BATF2: variants seen among roughly 807,000 people sequenced by gnomAD.
The protein encoded by BATF2 is basic leucine zipper transcriptional factor ATF-like 2.
BATF2 carries 4 observed loss-of-function variants against 7.3 expected under a neutral mutation model. The observed-to-expected ratio is 0.55, with a 90% CI of 0.27 to 1.26. BATF2 has a LOEUF of 1.26. BATF2 is among the 50% of genes most tolerant of loss of function. BATF2 has a pLI of 0.11. For missense variants in BATF2, 295 were observed against 340.5 expected, an observed-to-expected ratio of 0.87 and a Z score of 1.05; for synonymous variants, 152 against 153.9, an observed-to-expected ratio of 0.99 and a Z score of 0.09.
chr11:64,990,554 A>C lies in BATF2; in HGVS notation c.142-742T>G, dbSNP rs1946067867. 4.6e-6 allele frequency: 5 copies of C among 1,090,710 alleles called. No individual in the cohort carries two copies. The South Asian group carries it at 1.1e-4, about 24-fold the overall frequency. The allele number at this position is 1,090,710 out of a possible 1,614,324, so 67.6% of individuals were successfully genotyped here. ...CTGCATCCCTGAATCAGCATTTATT[A>C]AGTTCTGTTCTGCTGAACGCCGGTT... is the stretch of plus-strand genomic sequence containing the variant. On this transcript the variant is annotated intron_variant, in intron 2 of 2. Transcript: ENST00000301887.
rs1156329905 is a variant in BATF2, at chr11:64,989,860, G to C, written c.142-48C>G. 2 of 1,602,380 alleles carry C rather than the reference G, an allele frequency of 1.2e-6. No individual in the cohort carries two copies. The highest frequency in any genetic ancestry group is 1.7e-6 in the Non-Finnish European group (2 of 1,173,466). ...GGAGGGGAACCTCAGCCAGTGTCAG[G>C]GGCCCCGCATGAGCCTTAGCCCCTT... On this transcript the variant is annotated intron_variant, in intron 2 of 2. Transcript: ENST00000301887. The surrounding 1 kb of genome is among the most constrained non-coding windows in gnomAD (Gnocchi z 4.3).
chr11:64,996,784 G>C lies in BATF2; in HGVS notation c.39+92C>G. The C allele has an allele frequency of 3.3e-6, 5 of 1,494,130 alleles. No individual in the cohort carries two copies. The South Asian group carries it at 5.8e-5, about 17-fold the overall frequency. 92.6% of individuals were successfully genotyped at this position (1,494,130 alleles called of 1,614,324 possible). ...TGCTCAGAGTATAGAGCTGGGACTA[G>C]GAGCTCCCGACTGCAGCCCTCACTG... is the stretch of plus-strand genomic sequence containing the variant. On this transcript the variant is annotated intron_variant, in intron 1 of 2. Coordinates refer to ENST00000301887, the MANE Select transcript of BATF2 (RefSeq NM_138456.4).
rs916522832 is a variant in BATF2, at chr11:64,995,369, A to C, written c.40-820T>G. Among the ~76,000 whole-genome samples, 8 of 152,354 alleles carry C rather than the reference A, an allele frequency of 5.3e-5. No individual in the cohort carries two copies. The South Asian group carries it at 8.3e-4, about 16-fold the overall frequency. On this transcript the variant is annotated intron_variant, in intron 1 of 2. Transcript: ENST00000301887. Reference sequence around the variant, plus strand: ...GATGTGGTTCTCTGTGCTCATGCCCAGCTCAAGCCCAAAGCAGATATTCAC... The same window carrying C: ...GATGTGGTTCTCTGTGCTCATGCCCCGCTCAAGCCCAAAGCAGATATTCAC...
chr11:64,990,389 C>T, intron 2 of BATF2: 1 of 1,411,362 alleles, frequency 7.1e-7, no homozygotes, highest in South Asian at 1.5e-5. Context: ...ACAGGGCCTT[C>T]CCGTGGCAAC....
At position 64,993,497 on chromosome 11, in the gene BATF2, G is replaced by A. The variant is rs1946091033; in HGVS notation, c.141+951C>T. Among the ~76,000 whole-genome samples, 4 of 152,194 alleles carry A rather than the reference G, an allele frequency of 2.6e-5. No homozygotes were observed. In the South Asian group the frequency reaches 8.3e-4, roughly 31 times the overall value. Reference sequence around the variant, plus strand: ...CAAGTCAGGAAGAGCACCCTCATCTGGAACTGAATTGGCTGGCACCTTGAT... The same window carrying A: ...CAAGTCAGGAAGAGCACCCTCATCTAGAACTGAATTGGCTGGCACCTTGAT... On this transcript the variant is annotated intron_variant, in intron 2 of 2. Transcript: ENST00000301887.
intron 2 of BATF2, chr11:64,990,683 G>A (rs1269487401): frequency 2.2e-6 from 2 of 920,402 alleles, no homozygotes; most frequent in Admixed American, 1.2e-4. Flanking sequence ...ATCTCACAGG[G>A]CTGAATAAAT....
At chr11:64,990,214 C>A in intron 2 of BATF2, 1 of 1,535,640 alleles carries the variant, frequency 6.5e-7, no homozygotes, top group Non-Finnish European at 8.7e-7. Context: ...TGGTAGAATT[C>A]CAGGCCTGTG....
chr11:64,989,069 C>G lies in BATF2; in HGVS notation c.*60G>C. 6.4e-7 allele frequency: 1 copy of G among 1,568,466 alleles called. No homozygotes were observed. Among genetic ancestry groups the G allele is most frequent in the Non-Finnish European group, 8.8e-7 (1 of 1,139,412 alleles). On this transcript the variant is annotated 3_prime_UTR_variant, in exon 3 of 3. Coordinates refer to ENST00000301887, the MANE Select transcript of BATF2 (RefSeq NM_138456.4). The surrounding 1 kb of genome is among the most constrained non-coding windows in gnomAD (Gnocchi z 4.3). ...ACCCAGTAGTGAGGGAGGAGAGGCC[C>G]GTGTGCTAAGGCTGCTTCCTGAGCC... is the stretch of plus-strand genomic sequence containing the variant.
chr11:64,996,914 TG>T lies in BATF2; in HGVS notation c.-1del. ...AGCCCATTGCCCCCACAGAGGTGCA[TG>T]GCTTAGGCGGGGGAGCAGAGTGGTC... On this transcript the variant is annotated 5_prime_UTR_variant, in exon 1 of 3. Transcript: ENST00000301887. 6.3e-7 allele frequency: 1 copy of T among 1,599,404 alleles called. No homozygotes were observed. The highest frequency in any genetic ancestry group is 8.5e-7 in the Non-Finnish European group (1 of 1,172,128).
intron 2 of BATF2, chr11:64,990,601 T>C: frequency 2.9e-6 from 3 of 1,039,328 alleles, no homozygotes; most frequent in Non-Finnish European, 3.5e-6. Context: ...TGAGACACAA[T>C]CAATGTGCAG....
chr11:64,994,307 T>C (rs626670), intron 2 of BATF2, 141 bp downstream of exon 2: 550,004 of 772,356 alleles, frequency 0.71, 197,945 homozygotes, highest in African/African-American at 0.78. Context: ...AGCCACAGGA[T>C]CCTTTTCTCA....
At position 64,994,530 on chromosome 11, in the gene BATF2, C is replaced by T. The variant is rs1487012567; in HGVS notation, c.59G>A (p.Arg20Lys). 2 of 1,602,528 alleles carry T rather than the reference C, an allele frequency of 1.2e-6. No homozygotes were observed. The highest frequency in any genetic ancestry group is 2.2e-5 in the East Asian group (1 of 44,490). The change falls in exon 2 of 3, where the codon AGG becomes AAG. Residue 20 changes from arginine to lysine, a missense_variant. Physicochemically the swap from Arg to Lys is conservative, Grantham distance 26. Coordinates refer to ENST00000301887, the MANE Select transcript of BATF2 (RefSeq NM_138456.4). Reference protein sequence around the residue: ...LTQTDPKEQQRQLKKQKNRAA... With the variant: ...LTQTDPKEQQKQLKKQKNRAA... ...CCGGTTCTTCTGCTTCTTCAGCTGC[C>T]TTTGTTGCTCCTTGGGGTCCTGTGG...
chr11:64,991,690 T>A (rs1946078825), intron 2 of BATF2, among the ~76,000 whole-genome samples: 1 of 152,128 alleles, frequency 6.6e-6, no homozygotes, highest in South Asian at 2.1e-4. Flanking sequence ...AGGGACTTTT[T>A]GTTTGTGGGT....
chr11:64,994,403 T>C, intron 2 of BATF2, 45 bp downstream of exon 2: 3 of 1,532,712 alleles, frequency 2.0e-6, no homozygotes, highest in Non-Finnish European at 1.8e-6. Flanking sequence ...GCTGGGCCAG[T>C]AAGTGGAGCC....
chr11:64,996,294 T>A (rs1267842983), intron 1 of BATF2, among the ~76,000 whole-genome samples: 1 of 152,068 alleles, frequency 6.6e-6, no homozygotes, highest in Non-Finnish European at 1.5e-5. Flanking sequence ...TCTCTCTCTG[T>A]CACCCAGGCT....
rs1046779329 is a variant in BATF2, at chr11:64,996,896, T to A, written c.19A>T (p.Asn7Tyr). 6.2e-7 allele frequency: 1 copy of A among 1,608,038 alleles called. No homozygotes were observed. The highest frequency in any genetic ancestry group is 1.7e-5 in the Admixed American group (1 of 59,280). Reference protein sequence around the residue: MHLCGGNGLLTQTDPKE... With the variant: MHLCGGYGLLTQTDPKE... Reference sequence around the variant, plus strand: ...CTCACTGTCTGGGTCAGCAGCCCATTGCCCCCACAGAGGTGCATGGCTTAG... The same window carrying A: ...CTCACTGTCTGGGTCAGCAGCCCATAGCCCCCACAGAGGTGCATGGCTTAG... Residue 7 changes from asparagine (N) to tyrosine (Y), a missense_variant, in exon 1 of 3, where the codon AAT becomes TAT. Coordinates refer to ENST00000301887, the MANE Select transcript of BATF2 (RefSeq NM_138456.4).
chr11:64,990,104 G>T lies in BATF2; in HGVS notation c.142-292C>A, dbSNP rs1454714652. On this transcript the variant is annotated intron_variant, in intron 2 of 2. Transcript: ENST00000301887. Reference sequence around the variant, plus strand: ...ATATGCACGGGCCTCCAACCCGTGTGTCCCCCAAACCACCTATTCTCTTGC... The same window carrying T: ...ATATGCACGGGCCTCCAACCCGTGTTTCCCCCAAACCACCTATTCTCTTGC... The T allele has an allele frequency of 2.0e-6, 3 of 1,535,736 alleles. No homozygotes were observed. In the South Asian group the frequency reaches 3.6e-5, roughly 18 times the overall value.
At chr11:64,996,043 C>T (rs1469891310) in intron 1 of BATF2, among the ~76,000 whole-genome samples, 7 of 152,072 alleles carry the variant, frequency 4.6e-5, no homozygotes, top group Admixed American at 6.6e-5. Flanking sequence ...CTGCGACCTC[C>T]GCCTCCCAGG....
rs1163189864 is a variant in BATF2 at position 64,990,100 on chromosome 11, G to A, written c.142-288C>T. The A allele has an allele frequency of 1.3e-5, 20 of 1,535,634 alleles. No homozygotes were observed. In the East Asian group the frequency reaches 1.5e-4, roughly 11 times the overall value. Reference sequence around the variant, plus strand: ...TGGGATATGCACGGGCCTCCAACCCGTGTGTCCCCCAAACCACCTATTCTC... The same window carrying A: ...TGGGATATGCACGGGCCTCCAACCCATGTGTCCCCCAAACCACCTATTCTC... On this transcript the variant is annotated intron_variant, in intron 2 of 2. Transcript: ENST00000301887.
Sources: gnomAD v4.1 joint callset for allele counts (sites outside exome capture counted in the v4.1 genomes callset) on GRCh38, gnomAD v4.1.1 for gene constraint, Gnocchi (gnomAD v3.1) non-coding constraint, MANE v1.5 for transcripts, NCBI Gene and HGNC (gene_info 2026-07-23, HGNC 2026-07-21) for gene names.